The following AKT1S1 variants were observed in gnomAD, a reference collection of about 807,000 sequenced individuals.
The protein encoded by AKT1S1 is AKT1 substrate 1, also known as proline-rich AKT1 substrate 1.
In AKT1S1, 17 loss-of-function variants were observed where a neutral mutation model predicts 21.2. That is an observed-to-expected ratio of 0.80 (90% CI 0.55 to 1.20). The LOEUF is 1.20. Among genes scored for constraint, AKT1S1 ranks in the 50% most tolerant of loss-of-function variants. The probability of loss-of-function intolerance (pLI) is 0.00; values close to 1 mark genes in which losing one functional copy is unlikely to be tolerated. For missense variants in AKT1S1, 366 were observed against 368.3 expected (o/e 0.99, Z 0.05); for synonymous variants, 181 against 165.6 (o/e 1.09, Z -0.72).
intron 3 of AKT1S1, 31 bp from the exon 4 acceptor site, chr19:49,871,747 C>T (rs1252614166): frequency 2.5e-6 from 4 of 1,611,246 alleles, no homozygotes; most frequent in Non-Finnish European, 3.4e-6. Flanking sequence ...CAGCTTCTGT[C>T]CCTGCCTTTG....
At chr19:49,876,605 G>A in intron 1 of AKT1S1, 3 of 1,526,326 alleles carry the variant, frequency 2.0e-6, no homozygotes, top group Non-Finnish European at 1.8e-6. Context: ...CCACTCACGT[G>A]CCCGTAGCCA....
upstream of AKT1S1, chr19:49,878,228 G>A (rs781763439): frequency 3.7e-5 from 57 of 1,558,498 alleles, no homozygotes; most frequent in Admixed American, 3.9e-5. Flanking sequence ...GGTGTCATCC[G>A]TGTCGTGGAA....
At chr19:49,878,122 C>T (rs758633584), upstream of AKT1S1, 2 of 1,559,038 alleles carry the variant, frequency 1.3e-6, no homozygotes, top group South Asian at 1.2e-5. Context: ...CCCCAGCCCT[C>T]GCTGGTTCCC....
In AKT1S1 at chr19:49,873,117, C is replaced by A. The variant is rs368332135; in HGVS notation, c.179G>T (p.Arg60Leu). Residue 60 changes from arginine to leucine, a missense_variant, in exon 2 of 5, where the codon CGT (arginine) becomes CTT (leucine). By Grantham distance (102) the Arg-to-Leu change is moderately radical. Transcript: ENST00000344175. The surrounding 1 kb of genome is among the most constrained non-coding windows in gnomAD (Gnocchi z 6.9). The part of the protein sequence containing the change: ...GRGALAEAAR[R>L]CLHDIALAHR... ...GGCCAGTGCGATGTCGTGGAGGCAA[C>A]GGCGCGCTGCCTCCGCCAGGGCTCC... is the stretch of plus-strand genomic sequence containing the variant. The A allele has an allele frequency of 1.9e-6, 3 of 1,543,048 alleles. No individual in the cohort carries two copies. In the African/African-American group the frequency reaches 4.1e-5, roughly 21 times the overall value.
In AKT1S1 at chr19:49,871,803, G is replaced by C. The variant is rs368374710; in HGVS notation, c.457+9C>G. On this transcript the variant is annotated intron_variant, in intron 3 of 4. Coordinates refer to ENST00000344175, the MANE Select transcript of AKT1S1 (RefSeq NM_001098633.4). ...TCAGGTCGGGAGGGGAACAGCCTGG[G>C]ACACTCACCATCTGTACTCTCGGGG... The C allele has an allele frequency of 3.7e-6, 6 of 1,612,434 alleles. No individual in the cohort carries two copies. The African/African-American group carries it at 8.0e-5, about 22-fold the overall frequency.
rs778991524 is a variant in AKT1S1 at position 49,870,077 on chromosome 19, G to A, written c.628-17C>T. On this transcript the variant is annotated splice_polypyrimidine_tract_variant and intron_variant, in intron 4 of 4. Coordinates refer to ENST00000344175, the MANE Select transcript of AKT1S1 (RefSeq NM_001098633.4). ...CGAAGAGGGCTGCGGGGACGGCGAC[G>A]GGGCGAGGTCAGCGCCGGCAGGGCA... The A allele has an allele frequency of 1.1e-5, 16 of 1,509,900 alleles. 1 individual carries two copies. The African/African-American group carries it at 1.4e-4, about 13-fold the overall frequency. The allele number at this position is 1,509,900 out of a possible 1,614,324, so 93.5% of individuals were successfully genotyped here.
intron 4 of AKT1S1, 116 bp from the exon 5 acceptor site, chr19:49,870,176 C>G: frequency 1.7e-6 from 2 of 1,193,642 alleles, no homozygotes; most frequent in Non-Finnish European, 2.2e-6. Flanking sequence ...CCCTGCCCTG[C>G]CACCTGTGCC....
intron 1 of AKT1S1, chr19:49,876,753 A>C: frequency 7.4e-7 from 1 of 1,347,038 alleles, no homozygotes; most frequent in Non-Finnish European, 9.7e-7. Flanking sequence ...TGGCGGCCAC[A>C]GGGGCTTCAT....
At chr19:49,878,241 G>T (rs1264769797), upstream of AKT1S1, 4 of 1,556,762 alleles carry the variant, frequency 2.6e-6, no homozygotes, top group Admixed American at 1.9e-5. Context: ...TCGTGGAAAA[G>T]GTGCGCTGGG....
chr19:49,870,025 G>A lies in AKT1S1; in HGVS notation c.663C>T (p.Ser221=). ...SSPDLDRIAA[S]MRALVLREAE... is the part of the protein sequence containing the mutation. ...CCTCTCGCAGCACCAGCGCGCGCAT[G>A]CTCGCCGCGATGCGGTCCAGGTCGG... is the stretch of plus-strand genomic sequence containing the variant. The change falls in exon 5 of 5, where the codon AGC becomes AGT. Residue 221 remains serine, a synonymous_variant. Transcript: ENST00000344175. 1.3e-6 allele frequency: 2 copies of A among 1,552,856 alleles called. No individual in the cohort carries two copies. The highest frequency in any genetic ancestry group is 1.4e-5 in the African/African-American group (1 of 72,376).
chr19:49,875,910 G>A, intron 1 of AKT1S1: 8 of 985,414 alleles, frequency 8.1e-6, no homozygotes, highest in Non-Finnish European at 9.6e-6. Context: ...TTCCTCCAAG[G>A]AGCTGAGAGA....
chr19:49,870,524 G>A (rs916896592), intron 4 of AKT1S1, among the ~76,000 whole-genome samples: 1 of 152,208 alleles, frequency 6.6e-6, no homozygotes, highest in African/African-American at 2.4e-5. Context: ...TGAGGGCTGA[G>A]ATAATCAGCT....
In AKT1S1 at chr19:49,871,814, T is replaced by C; in HGVS notation, c.455A>G (p.Asp152Gly). ...PFCESDPEST[D>G]DGSLSEETPA... ...GGGGAACAGCCTGGGACACTCACCA[T>C]CTGTACTCTCGGGGTCTGACTCACA... Residue 152 changes from aspartate to glycine, a missense_variant and splice_region_variant, in exon 3 of 5, where the codon GAT becomes GGT. By Grantham distance (94) the Asp-to-Gly change is moderately conservative. Coordinates refer to ENST00000344175, the MANE Select transcript of AKT1S1 (RefSeq NM_001098633.4). 1 of 1,612,050 alleles carries C rather than the reference T, an allele frequency of 6.2e-7. No individual in the cohort carries two copies. The highest frequency in any genetic ancestry group is 8.5e-7 in the Non-Finnish European group (1 of 1,179,350).
chr19:49,872,462 A>C (rs1473694538), intron 2 of AKT1S1, among the ~76,000 whole-genome samples: 1 of 151,990 alleles, frequency 6.6e-6, no homozygotes, highest in Non-Finnish European at 1.5e-5. Context: ...CCCGACCCCC[A>C]AATTCCCCCC....
chr19:49,871,408 G>C, intron 4 of AKT1S1, 139 bp downstream of exon 4: 1 of 1,177,572 alleles, frequency 8.5e-7, no homozygotes, highest in Non-Finnish European at 1.2e-6. Flanking sequence ...TCGTGTCCAA[G>C]AACTCGCCTC....
At position 49,873,341 on chromosome 19, in the gene AKT1S1, C is replaced by G. The variant is rs1006323953; in HGVS notation, c.-7-39G>C. ...CAGGACAGAGGGGGCTGAGGCTTGG[C>G]GGCCTACATCATCGCCACCCACTCA... On this transcript the variant is annotated intron_variant, in intron 1 of 4. Transcript: ENST00000344175. This position sits in a 1 kb window ranked among gnomAD's most constrained non-coding sequence, Gnocchi z 6.9. 7.1e-7 allele frequency: 1 copy of G among 1,404,268 alleles called. No homozygotes were observed. The highest frequency in any genetic ancestry group is 2.9e-5 in the East Asian group (1 of 33,966). The allele number at this position is 1,404,268 out of a possible 1,614,324, so 87.0% of individuals were successfully genotyped here.
rs145871209 is a variant in AKT1S1, at chr19:49,875,525, G to A, written c.-8+1712C>T. On this transcript the variant is annotated intron_variant, in intron 1 of 4. Transcript: ENST00000344175. ...ATGTCCTTCCCAGCTGATGAGGGAG[G>A]AAACTGAGGCTCTAAGCAAGAAATG... 4.9e-3 allele frequency among the ~76,000 whole-genome samples: 749 copies of A among 152,350 alleles called. 5 individuals are homozygous for A. Among genetic ancestry groups the A allele is most frequent in the South Asian group, 0.012 (60 of 4,828 alleles).
upstream of AKT1S1, chr19:49,877,460 C>G: frequency 7.8e-6 from 4 of 510,048 alleles, no homozygotes; most frequent in Non-Finnish European, 1.0e-5. Context: ...CACTTGTTTA[C>G]TTCGTGGCGA....
intron 2 of AKT1S1, among the ~76,000 whole-genome samples, chr19:49,872,506 A>G (rs915261014): frequency 2.0e-5 from 3 of 151,424 alleles, no homozygotes; most frequent in Non-Finnish European, 4.4e-5. Context: ...TGGCTTCCTC[A>G]GATGTTGGCT....
Sources: gnomAD v4.1 joint callset for allele counts (sites outside exome capture counted in the v4.1 genomes callset) on GRCh38, gnomAD v4.1.1 for gene constraint, Gnocchi (gnomAD v3.1) non-coding constraint, MANE v1.5 for transcripts, NCBI Gene and HGNC (gene_info 2026-07-23, HGNC 2026-07-21) for gene names.